The following SEPTIN7 variants were observed in gnomAD, a reference collection of about 807,000 sequenced individuals.
SEPTIN7 encodes the protein septin 7.
SEPTIN7 carries 10 observed loss-of-function variants against 63.3 expected under a neutral mutation model. The ratio of observed to expected loss-of-function variants is 0.16; its 90% CI spans 0.10 to 0.27. SEPTIN7 has a LOEUF of 0.27. Ranked by LOEUF, SEPTIN7 falls within the 10% of genes least tolerant of loss-of-function variation. The probability of loss-of-function intolerance (pLI) is 1.00; values close to 1 mark genes in which losing one functional copy is unlikely to be tolerated. For synonymous variants in SEPTIN7, 131 were observed against 165.3 expected (o/e 0.79, Z 1.59); for missense variants, 310 against 521.0 (o/e 0.59, Z 3.94).
intron 9 of SEPTIN7, among the ~76,000 whole-genome samples, chr7:35,885,220 T>C (rs1201617619): frequency 6.6e-6 from 1 of 152,172 alleles, no homozygotes; most frequent in African/African-American, 2.4e-5. Context: ...AATTTTCCCA[T>C]CAGTGACCTG....
chr7:35,907,750 A>G (rs1788657506), downstream of SEPTIN7, among the ~76,000 whole-genome samples: 6 of 152,196 alleles, frequency 3.9e-5, 1 homozygote, highest in South Asian at 1.0e-3. Flanking sequence ...GGCAGCCTGG[A>G]GAAGCAGAAA....
intron 5 of SEPTIN7, 41 bp downstream of exon 5, chr7:35,872,807 G>T: frequency 7.5e-7 from 1 of 1,327,314 alleles, no homozygotes; most frequent in Non-Finnish European, 1.1e-6. Context: ...GTGCATTTGG[G>T]GTACTGGGGT....
At chr7:35,872,808 G>A (rs1786235232) in intron 5 of SEPTIN7, 42 bp downstream of exon 5, 2 of 1,320,294 alleles carry the variant, frequency 1.5e-6, no homozygotes, top group Non-Finnish European at 2.2e-6. Flanking sequence ...TGCATTTGGG[G>A]TACTGGGGTG....
At chr7:35,874,963 C>T (rs1211347450) in intron 6 of SEPTIN7, among the ~76,000 whole-genome samples, 1 of 152,064 alleles carries the variant, frequency 6.6e-6, no homozygotes, top group Non-Finnish European at 1.5e-5. Context: ...TCTCGTTTAA[C>T]TTGTCAGGGC....
At chr7:35,884,016 TAAA>T in intron 9 of SEPTIN7, 29 bp downstream of exon 9, 1 of 1,354,270 alleles carries the variant, frequency 7.4e-7, no homozygotes, top group Non-Finnish European at 1.1e-6. Context: ...AATGACTTTC[TAAA>T]ATATCTCAAA....
At chr7:35,912,600 G>C in the SEPTIN7 span, among the ~76,000 whole-genome samples, 1 of 152,176 alleles carries the variant, frequency 6.6e-6, no homozygotes, top group Non-Finnish European at 1.5e-5. Context: ...CACTGGGTTA[G>C]AGTCTCCCCG....
intron 1 of SEPTIN7, among the ~76,000 whole-genome samples, chr7:35,809,212 G>A (rs1409767729): frequency 6.6e-6 from 1 of 152,212 alleles, no homozygotes; most frequent in Non-Finnish European, 1.5e-5. Flanking sequence ...GAGGCATGGT[G>A]ATTAAGAGTT....
At chr7:35,871,995 G>A (rs1242085338) in intron 4 of SEPTIN7, among the ~76,000 whole-genome samples, 1 of 152,108 alleles carries the variant, frequency 6.6e-6, no homozygotes, top group African/African-American at 2.4e-5. Context: ...CCAATAATCA[G>A]TTAGTAAGGT....
Position 35,883,186 on chromosome 7 carries a change from A to G in SEPTIN7, c.723+610A>G, listed in dbSNP as rs541400281. ...CACAAATGTGTACAATTATGTTTCA[A>G]TTAAAAACAATAAAAACCAACCAAA... On this transcript the variant is annotated intron_variant, in intron 8 of 13. Transcript: ENST00000350320. 9.2e-5 allele frequency among the ~76,000 whole-genome samples: 14 copies of G among 152,274 alleles called. No homozygotes were observed. The East Asian group carries it at 2.5e-3, about 27-fold the overall frequency.
intron 4 of SEPTIN7, among the ~76,000 whole-genome samples, chr7:35,869,182 C>T (rs1785994078): frequency 6.6e-6 from 1 of 152,016 alleles, no homozygotes; most frequent in Admixed American, 6.6e-5. Context: ...GATTTGAGGT[C>T]TCAGTGTAAG....
intron 1 of SEPTIN7, among the ~76,000 whole-genome samples, chr7:35,819,626 A>C (rs1250885628): frequency 1.3e-5 from 2 of 152,190 alleles, no homozygotes; most frequent in East Asian, 3.8e-4. Flanking sequence ...TATTAGGGAC[A>C]TACGTGCTTA....
At chr7:35,841,579 G>T (rs1784409411) in intron 3 of SEPTIN7, among the ~76,000 whole-genome samples, 1 of 152,130 alleles carries the variant, frequency 6.6e-6, no homozygotes, top group Non-Finnish European at 1.5e-5. Context: ...TGTTCTCTTG[G>T]TATTGAATAC....
At chr7:35,812,462 T>C (rs1184829738) in intron 1 of SEPTIN7, among the ~76,000 whole-genome samples, 1 of 152,106 alleles carries the variant, frequency 6.6e-6, no homozygotes, top group African/African-American at 2.4e-5. Context: ...TATAGCACGA[T>C]ATATGATATA....
chr7:35,843,396 T>A (rs905549643), intron 3 of SEPTIN7, among the ~76,000 whole-genome samples: 5 of 152,184 alleles, frequency 3.3e-5, no homozygotes, highest in African/African-American at 1.2e-4. Context: ...TAATACCCTG[T>A]TCTGGGCCAC....
the SEPTIN7 span, among the ~76,000 whole-genome samples, chr7:35,912,541 A>G: frequency 1.3e-5 from 2 of 152,162 alleles, no homozygotes; most frequent in African/African-American, 4.8e-5. Context: ...CTGATTTCCC[A>G]CTTTACACCT....
intron 3 of SEPTIN7, among the ~76,000 whole-genome samples, chr7:35,863,185 A>T (rs1007600438): frequency 6.6e-6 from 1 of 152,144 alleles, no homozygotes. Context: ...ATTATTGTCT[A>T]TTAGTAAAGA....
intron 3 of SEPTIN7, among the ~76,000 whole-genome samples, chr7:35,841,912 G>A (rs1486738610): frequency 6.6e-6 from 1 of 152,076 alleles, no homozygotes; most frequent in Non-Finnish European, 1.5e-5. Flanking sequence ...ATACTATTGT[G>A]GGTCAGGTGG....
chr7:35,812,987 G>A (rs1401122358), intron 1 of SEPTIN7, among the ~76,000 whole-genome samples: 2 of 152,038 alleles, frequency 1.3e-5, no homozygotes, highest in African/African-American at 4.8e-5. Context: ...AGCCAGGTTT[G>A]GGAATAACTT....
In SEPTIN7 at chr7:35,905,968, C is replaced by T. The variant is rs1239873949; in HGVS notation, c.*1675C>T. The T allele has an allele frequency of 6.6e-6, 1 of 152,010 alleles. No homozygotes were observed. Among genetic ancestry groups the T allele is most frequent in the African/African-American group, 2.4e-5 (1 of 41,398 alleles). The allele number at this position is 152,010 out of a possible 1,614,324, so 9.4% of individuals were successfully genotyped here. On this transcript the variant is annotated 3_prime_UTR_variant, in exon 14 of 14. Transcript: ENST00000350320. ...CCTATTTACTTTTTAAAATTAATGA[C>T]CTAAGCGGAGGGAATAATTATAAGT...
Sources: gnomAD v4.1 joint callset for allele counts (sites outside exome capture counted in the v4.1 genomes callset) on GRCh38, gnomAD v4.1.1 for gene constraint, MANE v1.5 for transcripts, NCBI Gene and HGNC (gene_info 2026-07-23, HGNC 2026-07-21) for gene names.